TENM2: variants seen among roughly 807,000 people sequenced by gnomAD.
TENM2 encodes teneurin-2.
TENM2 carries 52 observed loss-of-function variants against 245.2 expected under a neutral mutation model. The ratio of observed to expected loss-of-function variants is 0.21; its 90% CI spans 0.17 to 0.27. The LOEUF (loss-of-function observed/expected upper bound fraction) is 0.27. Ranked by LOEUF, TENM2 falls within the 10% of genes least tolerant of loss-of-function variation. TENM2 has a pLI of 1.00. For synonymous variants in TENM2, 1,363 were observed against 1,438.9 expected (o/e 0.95, Z 1.19); for missense variants, 3,046 against 3,666.8 (o/e 0.83, Z 4.37).
At chr5:167,635,633 C>CTTTTTTTTTTTTTTGTTTTTTTT (rs1779149490) in intron 2 of TENM2, among the ~76,000 whole-genome samples, 1 of 74,962 alleles carries the variant, frequency 1.3e-5, no homozygotes, top group East Asian at 5.8e-4. Flanking sequence ...TCAGTACAGT[C>CTTTTTTTTTTTTTTGTTTTTTTT]TTTTTTTTTT....
At chr5:167,716,429 C>T (rs1218907180) in intron 2 of TENM2, among the ~76,000 whole-genome samples, 4 of 152,148 alleles carry the variant, frequency 2.6e-5, no homozygotes, top group South Asian at 4.1e-4. Context: ...AAGTTTTCAT[C>T]GGCAGTGGGT....
chr5:167,127,208 A>C, the TENM2 span, among the ~76,000 whole-genome samples: 14 of 152,258 alleles, frequency 9.2e-5, no homozygotes, highest in Admixed American at 6.5e-4. Flanking sequence ...TTCTATAAAA[A>C]CAGTCCCTTT....
chr5:168,092,521 C>T (rs182871940), intron 8 of TENM2, among the ~76,000 whole-genome samples: 16 of 152,260 alleles, frequency 1.1e-4, no homozygotes, highest in Admixed American at 9.8e-4. Flanking sequence ...GTTTGCCAAC[C>T]CCTACTCTAA....
intron 1 of TENM2, among the ~76,000 whole-genome samples, chr5:167,317,209 G>A (rs1756415697): frequency 6.6e-6 from 1 of 152,136 alleles, no homozygotes; most frequent in Middle Eastern, 3.2e-3. Flanking sequence ...GATCCCTTCA[G>A]TAGGTTCATG....
intron 4 of TENM2, among the ~76,000 whole-genome samples, chr5:167,990,738 A>G (rs1203645986): frequency 6.6e-6 from 1 of 152,198 alleles, no homozygotes; most frequent in Non-Finnish European, 1.5e-5. Context: ...TTATTTTAAC[A>G]TTAGCTGTGT....
the TENM2 span, among the ~76,000 whole-genome samples, chr5:167,048,977 G>A: frequency 6.6e-6 from 1 of 152,160 alleles, no homozygotes; most frequent in Non-Finnish European, 1.5e-5. Context: ...AGCAGGTACT[G>A]GGAGAACAGT....
chr5:167,993,531 T>G (rs1783828727), intron 5 of TENM2, among the ~76,000 whole-genome samples: 1 of 152,244 alleles, frequency 6.6e-6, no homozygotes. Flanking sequence ...AACCCAGGTC[T>G]GTGCTTTGAA....
chr5:167,230,283 C>T, the TENM2 span, among the ~76,000 whole-genome samples: 1 of 152,146 alleles, frequency 6.6e-6, no homozygotes, highest in African/African-American at 2.4e-5. Flanking sequence ...GAAATGTGGA[C>T]TGCTGGGGGT....
the TENM2 span, among the ~76,000 whole-genome samples, chr5:167,227,102 C>G: frequency 4.6e-5 from 7 of 151,948 alleles, no homozygotes; most frequent in Non-Finnish European, 1.0e-4. Context: ...AGACAGCATA[C>G]AGTTGGATAA....
At chr5:167,044,468 G>A in the TENM2 span, among the ~76,000 whole-genome samples, 1 of 152,176 alleles carries the variant, frequency 6.6e-6, no homozygotes, top group Non-Finnish European at 1.5e-5. Flanking sequence ...GAAATATGCA[G>A]CTCCAGTGTT....
the TENM2 span, among the ~76,000 whole-genome samples, chr5:167,226,758 G>A: frequency 1.1e-4 from 16 of 151,942 alleles, no homozygotes; most frequent in South Asian, 1.0e-3. Flanking sequence ...TAAATTATCC[G>A]CCTAATGTTG....
chr5:167,659,945 T>A (rs1485775726), intron 2 of TENM2: 6 of 152,188 alleles, frequency 3.9e-5, no homozygotes, highest in Non-Finnish European at 8.8e-5. Flanking sequence ...TTTTAAAACA[T>A]CACACTCATT....
At chr5:167,270,132 G>A in the TENM2 span, among the ~76,000 whole-genome samples, 1 of 152,164 alleles carries the variant, frequency 6.6e-6, no homozygotes, top group African/African-American at 2.4e-5. Context: ...AAATGGAACT[G>A]TTTCATGCAG....
chr5:167,345,735 C>T (rs1374170391), intron 1 of TENM2, among the ~76,000 whole-genome samples: 1 of 151,798 alleles, frequency 6.6e-6, no homozygotes, highest in Non-Finnish European at 1.5e-5. Context: ...TTGGACAAAC[C>T]AAAAGAACAT....
chr5:167,019,201 A>G, the TENM2 span, among the ~76,000 whole-genome samples: 2 of 151,768 alleles, frequency 1.3e-5, no homozygotes, highest in African/African-American at 4.8e-5. Context: ...AGTTGGGGGG[A>G]GGCTTCAAAA....
intron 2 of TENM2, among the ~76,000 whole-genome samples, chr5:167,426,267 A>G (rs1763815933): frequency 6.6e-6 from 1 of 152,204 alleles, no homozygotes; most frequent in Non-Finnish European, 1.5e-5. Context: ...CATCTCTTCA[A>G]ATATGCGCAC....
chr5:167,397,438 C>A (rs1762117904), intron 2 of TENM2, among the ~76,000 whole-genome samples: 1 of 152,018 alleles, frequency 6.6e-6, no homozygotes, highest in Admixed American at 6.6e-5. Context: ...ATAGTGAAAT[C>A]ATTTATAAAA....
intron 2 of TENM2, among the ~76,000 whole-genome samples, chr5:167,659,687 G>T (rs903626563): frequency 1.3e-5 from 2 of 152,048 alleles, no homozygotes. Context: ...TACATCCAGG[G>T]TAATGTTTTC....
rs1381111097 is a variant in TENM2 at position 168,004,511 on chromosome 5, G to GCA, written c.1186+11330_1186+11331insAC. Among the ~76,000 whole-genome samples the GCA allele has an allele frequency of 1.3e-4, 10 of 77,220 alleles. No individual in the cohort carries two copies. The East Asian group carries it at 2.3e-3, about 18-fold the overall frequency. The allele number at this position is 77,220 out of a possible 152,430, so 50.7% of individuals were successfully genotyped here. A position where few individuals can be genotyped will look rare whatever the true frequency, so the allele number is the denominator to read the frequency against. On this transcript the variant is annotated intron_variant, in intron 5 of 28. Transcript: ENST00000518659. ...CCCCATTTGGGATGCACGCATGCGC[G>GCA]CGCGCGCACACACACACACACACAC...
Sources: allele counts gnomAD v4.1 joint callset (sites outside exome capture counted in the v4.1 genomes callset), GRCh38; gene constraint gnomAD v4.1.1; transcripts MANE v1.5; gene names NCBI Gene and HGNC (gene_info 2026-07-23, HGNC 2026-07-21).